The following GRM7 variants were observed in gnomAD, a reference collection of about 807,000 sequenced individuals.
GRM7 encodes glutamate metabotropic receptor 7.
A neutral mutation model predicts 84.5 loss-of-function variants in GRM7; 35 were observed. The observed-to-expected ratio is 0.41, with a 90% CI of 0.32 to 0.55. The LOEUF (loss-of-function observed/expected upper bound fraction) is 0.55. GRM7 is among the 20% of genes least tolerant of loss of function. The pLI, the probability that GRM7 is intolerant of heterozygous loss-of-function variation, is 0.19. For missense variants in GRM7, 1,003 were observed against 1,194.6 expected (o/e 0.84, Z 2.36); for synonymous variants, 487 against 455.1 (o/e 1.07, Z -0.89).
intron 4 of GRM7, among the ~76,000 whole-genome samples, chr3:7,414,801 A>G (rs530711269): frequency 3.0e-4 from 46 of 152,154 alleles, no homozygotes; most frequent in African/African-American, 1.1e-3. Flanking sequence ...AATGGAAATT[A>G]TGCTAGTAAC....
intron 1 of GRM7, among the ~76,000 whole-genome samples, chr3:7,086,676 G>T (rs1421275444): frequency 6.6e-6 from 1 of 152,174 alleles, no homozygotes; most frequent in Non-Finnish European, 1.5e-5. Flanking sequence ...AGCTCTGAAA[G>T]CTTCCAGCGA....
At chr3:7,103,773 T>G (rs1028119443) in intron 1 of GRM7, among the ~76,000 whole-genome samples, 46 of 103,264 alleles carry the variant, frequency 4.5e-4, no homozygotes, top group Non-Finnish European at 1.1e-4. Context: ...TTTCTTTCTT[T>G]CTTTCTTTCT....
intron 7 of GRM7, among the ~76,000 whole-genome samples, chr3:7,513,499 T>C (rs1156834608): frequency 6.6e-6 from 1 of 152,108 alleles, no homozygotes; most frequent in Non-Finnish European, 1.5e-5. Flanking sequence ...CTAATGAATA[T>C]AAAAATATGG....
At chr3:7,655,021 G>T (rs1699117433) in intron 8 of GRM7, among the ~76,000 whole-genome samples, 1 of 152,248 alleles carries the variant, frequency 6.6e-6, no homozygotes, top group South Asian at 2.1e-4. Context: ...AATTGTCCGT[G>T]GTTCTAGTTC....
intron 2 of GRM7, among the ~76,000 whole-genome samples, chr3:7,230,122 A>T (rs1308574702): frequency 3.3e-5 from 5 of 151,916 alleles, no homozygotes; most frequent in Non-Finnish European, 5.9e-5. Context: ...TGCCGGCATG[A>T]GCCACCGCGC....
In GRM7 at chr3:6,923,986, A is replaced by T. The variant is rs994546425; in HGVS notation, c.519+62079A>T. Among the ~76,000 whole-genome samples, 9 of 152,220 alleles carry T rather than the reference A, an allele frequency of 5.9e-5. No homozygotes were observed. In the East Asian group the frequency reaches 1.7e-3, roughly 29 times the overall value. Reference sequence around the variant, plus strand: ...AATAAAATGATGACATCTGATACTTATTTAAGTTGGAGTCAGAAGACTTGA... The same window carrying T: ...AATAAAATGATGACATCTGATACTTTTTTAAGTTGGAGTCAGAAGACTTGA... On this transcript the variant is annotated intron_variant, in intron 1 of 9. Transcript: ENST00000357716.
chr3:7,047,578 T>C (rs1292481992), intron 1 of GRM7, among the ~76,000 whole-genome samples: 2 of 152,094 alleles, frequency 1.3e-5, no homozygotes, highest in African/African-American at 2.4e-5. Context: ...CCAGTACTAT[T>C]TTCAGAAGTT....
chr3:6,984,485 T>A (rs2124839722), intron 1 of GRM7, among the ~76,000 whole-genome samples: 1 of 152,334 alleles, frequency 6.6e-6, no homozygotes, highest in Admixed American at 6.5e-5. Flanking sequence ...TTATGTGTTA[T>A]CTATTTTTTT....
At chr3:7,008,204 G>T (rs924224900) in intron 1 of GRM7, among the ~76,000 whole-genome samples, 5 of 152,028 alleles carry the variant, frequency 3.3e-5, no homozygotes, top group Non-Finnish European at 7.4e-5. Context: ...TTGTGTCAAT[G>T]CCTGTCTCTG....
intron 1 of GRM7, among the ~76,000 whole-genome samples, chr3:7,062,238 G>A (rs759225990): frequency 1.3e-5 from 2 of 151,708 alleles, no homozygotes; most frequent in Non-Finnish European, 2.9e-5. Flanking sequence ...ACGAATGGGA[G>A]TAAGGAGATG....
intron 9 of GRM7, among the ~76,000 whole-genome samples, chr3:7,689,461 TA>T (rs765302084): frequency 1.3e-5 from 2 of 152,196 alleles, no homozygotes; most frequent in Admixed American, 6.5e-5. Flanking sequence ...CCTTTGACAC[TA>T]AATCACCTTG....
intron 7 of GRM7, among the ~76,000 whole-genome samples, chr3:7,504,473 G>A (rs986542393): frequency 1.3e-5 from 2 of 152,138 alleles, no homozygotes; most frequent in South Asian, 2.1e-4. Flanking sequence ...ACCACAGACC[G>A]AGTAGTTTAT....
intron 1 of GRM7, among the ~76,000 whole-genome samples, chr3:6,959,952 A>C (rs1470344987): frequency 4.6e-5 from 7 of 152,312 alleles, no homozygotes; most frequent in African/African-American, 1.4e-4. Context: ...CTGTAGCACC[A>C]GAAAAGAGGC....
chr3:7,190,889 C>A (rs1046967652), intron 2 of GRM7, among the ~76,000 whole-genome samples: 3 of 152,032 alleles, frequency 2.0e-5, no homozygotes, highest in Non-Finnish European at 4.4e-5. Flanking sequence ...ATGAGAAATC[C>A]ATTTTCCAGC....
intron 1 of GRM7, among the ~76,000 whole-genome samples, chr3:6,888,052 T>C (rs1374538265): frequency 6.6e-6 from 1 of 152,234 alleles, no homozygotes; most frequent in African/African-American, 2.4e-5. Context: ...TCTGTTCATG[T>C]CCCTTGCCCA....
At chr3:6,983,115 T>G (rs1694269657) in intron 1 of GRM7, among the ~76,000 whole-genome samples, 1 of 152,222 alleles carries the variant, frequency 6.6e-6, no homozygotes, top group African/African-American at 2.4e-5. Context: ...GTATTTTAAT[T>G]GATTTTTATT....
Position 6,864,739 on chromosome 3 carries a change from TG to T in GRM7, c.519+2838del, listed in dbSNP as rs907236269. Among the ~76,000 whole-genome samples, 5 of 152,226 alleles carry T rather than the reference TG, an allele frequency of 3.3e-5. No individual in the cohort carries two copies. The East Asian group carries it at 9.7e-4, about 29-fold the overall frequency. On this transcript the variant is annotated intron_variant, in intron 1 of 9. Transcript: ENST00000357716. The stretch of plus-strand genomic sequence containing the variant: ...AAGAAGGAATACTTAGCGACTTAAA[TG>T]GGGGGTGCTGAGCACTGAAGGGAAG...
intron 6 of GRM7, among the ~76,000 whole-genome samples, chr3:7,456,602 G>A (rs1698023914): frequency 6.6e-6 from 1 of 151,752 alleles, no homozygotes; most frequent in South Asian, 2.1e-4. Context: ...TCTTCAAGTT[G>A]CTGAGAGGAA....
intron 7 of GRM7, among the ~76,000 whole-genome samples, chr3:7,519,584 C>T (rs944888563): frequency 3.9e-5 from 6 of 152,090 alleles, no homozygotes; most frequent in African/African-American, 7.2e-5. Context: ...AAGTTAACAA[C>T]GAAGCAAAAT....
Sources: gnomAD v4.1 joint callset for allele counts (sites outside exome capture counted in the v4.1 genomes callset) on GRCh38, gnomAD v4.1.1 for gene constraint, MANE v1.5 for transcripts, NCBI Gene and HGNC (gene_info 2026-07-23, HGNC 2026-07-21) for gene names.